The following GOLGA3 variants were observed in gnomAD, a reference collection of about 807,000 sequenced individuals.
GOLGA3 encodes the protein golgin A3.
A neutral mutation model predicts 169.4 loss-of-function variants in GOLGA3; 75 were observed. The observed-to-expected ratio is 0.44, with a 90% confidence interval of 0.37 to 0.54. The LOEUF is 0.54. Among genes scored for constraint, GOLGA3 ranks in the 20% least tolerant of loss-of-function variants. The probability of loss-of-function intolerance (pLI) is 0.00; values close to 1 mark genes in which losing one functional copy is unlikely to be tolerated. For missense variants in GOLGA3, 1,899 were observed against 1,930.0 expected (o/e 0.98, Z 0.30); for synonymous variants, 824 against 822.4 (o/e 1.00, Z -0.03).
rs546720632 is a variant in GOLGA3 at position 132,811,112 on chromosome 12, T to C, written c.519+2195A>G. Among the ~76,000 whole-genome samples the C allele has an allele frequency of 2.3e-3, 351 of 152,348 alleles. 1 individual carries two copies. The highest frequency in any genetic ancestry group is 3.9e-3 in the Non-Finnish European group (266 of 68,032). ...ATCATTGGAGATGACTCACACTCTT[T>C]ACCCTGCCCCTTTTGCTTTGTATCC... On this transcript the variant is annotated intron_variant, in intron 4 of 23. Transcript: ENST00000450791.
chr12:132,811,253 C>T (rs1310759620), intron 4 of GOLGA3, among the ~76,000 whole-genome samples: 1 of 152,132 alleles, frequency 6.6e-6, no homozygotes, highest in Non-Finnish European at 1.5e-5. Context: ...TTTATTTCTA[C>T]ACTCTCTCGT....
At position 132,795,929 on chromosome 12, in the gene GOLGA3, G is replaced by A. The variant is rs377086482; in HGVS notation, c.2392C>T (p.Arg798Cys). Residue 798 changes from arginine (R) to cysteine (C), a missense_variant, in exon 11 of 24, where the codon CGC becomes TGC. Arg to Cys is a radical substitution (Grantham distance 180, BLOSUM62 -3). Coordinates refer to ENST00000450791, the MANE Select transcript of GOLGA3 (RefSeq NM_001389683.1). Reference sequence around the variant, plus strand: ...GTTTCCTCGGTACCTTCTTCCAAGCGTCTTGCTCCTCTGTCAAGCTCCTCC... The same window carrying A: ...GTTTCCTCGGTACCTTCTTCCAAGCATCTTGCTCCTCTGTCAAGCTCCTCC... ...GKEELDRGAR[R>C]LEEGTEETSE... 2.9e-5 allele frequency: 46 copies of A among 1,613,882 alleles called. No individual in the cohort carries two copies. The highest frequency in any genetic ancestry group is 1.6e-4 in the Middle Eastern group (1 of 6,084).
In GOLGA3 at chr12:132,808,158, C is replaced by A; in HGVS notation, c.911G>T (p.Gly304Val). Reference sequence around the variant, plus strand: ...TCCATCCACCTCAGACACGCTGTCTCCAGCCAGGGAGGTGTTCTCCAGACG... The same window carrying A: ...TCCATCCACCTCAGACACGCTGTCTACAGCCAGGGAGGTGTTCTCCAGACG... ...DDRLENTSLA[G>V]DSVSEVDGND... Residue 304 changes from glycine to valine, a missense_variant, in exon 5 of 24, where the codon GGA becomes GTA. By Grantham distance (109) the Gly-to-Val change is moderately radical. Transcript: ENST00000450791. The A allele has an allele frequency of 6.2e-7, 1 of 1,612,518 alleles. No homozygotes were observed. Among genetic ancestry groups the A allele is most frequent in the East Asian group, 2.2e-5 (1 of 44,820 alleles).
chr12:132,807,760 G>GT, intron 5 of GOLGA3, 131 bp downstream of exon 5: 1 of 253,652 alleles, frequency 3.9e-6, no homozygotes. Context: ...GCCCGTCTCT[G>GT]CCCACCCCGC....
chr12:132,779,801 G>A (rs1175306654), intron 18 of GOLGA3, among the ~76,000 whole-genome samples: 2 of 91,996 alleles, frequency 2.2e-5, no homozygotes, highest in Non-Finnish European at 2.1e-5. Context: ...CACACCCCAG[G>A]CACACACGTG....
intron 8 of GOLGA3, 23 bp downstream of exon 8, chr12:132,801,744 T>C: frequency 6.2e-7 from 1 of 1,602,772 alleles, no homozygotes. Context: ...TGACCTGCCC[T>C]GGAAGGTAGA....
intron 4 of GOLGA3, among the ~76,000 whole-genome samples, 181 bp downstream of exon 4, chr12:132,813,126 G>A (rs952742276): frequency 1.3e-5 from 2 of 152,178 alleles, no homozygotes; most frequent in African/African-American, 4.8e-5. Context: ...TACCTCTGAG[G>A]TCACCCGTGT....
At position 132,812,220 on chromosome 12, in the gene GOLGA3, T is replaced by C. The variant is rs1425065394; in HGVS notation, c.519+1087A>G. On this transcript the variant is annotated intron_variant, in intron 4 of 23. Transcript: ENST00000450791. ...ACACACACACACACACACATATATA[T>C]ATATATATATTTTTTTTAACTGCTC... Among the ~76,000 whole-genome samples the C allele has an allele frequency of 6.7e-3, 559 of 83,648 alleles. 7 individuals are homozygous for C. The highest frequency in any genetic ancestry group is 0.012 in the South Asian group (31 of 2,650). The allele number at this position is 83,648 out of a possible 152,430, so 54.9% of individuals were successfully genotyped here.
At chr12:132,780,696 T>G (rs891844468) in intron 18 of GOLGA3, 102 bp downstream of exon 18, 2 of 763,580 alleles carry the variant, frequency 2.6e-6, no homozygotes, top group Non-Finnish European at 4.6e-6. Flanking sequence ...CTTTGCTCTG[T>G]GTAACTGCTG....
intron 18 of GOLGA3, among the ~76,000 whole-genome samples, 175 bp downstream of exon 18, chr12:132,780,623 C>T (rs529161487): frequency 5.3e-5 from 8 of 152,362 alleles, no homozygotes; most frequent in South Asian, 4.1e-4. Context: ...TTTAATCTAA[C>T]GCCACCTTCT....
At chr12:132,797,539 C>T (rs1414448009) in intron 9 of GOLGA3, among the ~76,000 whole-genome samples, 2 of 152,138 alleles carry the variant, frequency 1.3e-5, no homozygotes, top group Non-Finnish European at 1.5e-5. Context: ...GGCGAGACCC[C>T]GTCTCTACTA....
At position 132,807,895 on chromosome 12, in the gene GOLGA3, T is replaced by A; in HGVS notation, c.1174A>T (p.Ser392Cys). ...CACCTCTGCTGTCCCCACCACCTGC[T>A]GCAGATGCTGTCTCTCCGACTCCGC... ...EVRSRRDSIC[S>C]SVSLESSAAE... is the part of the protein sequence containing the mutation. The change falls in exon 5 of 24, where the codon AGC becomes TGC. Residue 392 changes from serine to cysteine, a missense_variant. Ser to Cys is a moderately radical substitution (Grantham distance 112, BLOSUM62 -1). Transcript: ENST00000450791. 1 of 1,373,026 alleles carries A rather than the reference T, an allele frequency of 7.3e-7. No individual in the cohort carries two copies. The highest frequency in any genetic ancestry group is 9.8e-7 in the Non-Finnish European group (1 of 1,017,202). The allele number at this position is 1,373,026 out of a possible 1,614,324, so 85.1% of individuals were successfully genotyped here. A position where few individuals can be genotyped will look rare whatever the true frequency, so the allele number is the denominator to read the frequency against.
intron 6 of GOLGA3, among the ~76,000 whole-genome samples, chr12:132,805,893 G>A (rs146873746): frequency 1.9e-4 from 29 of 152,232 alleles, no homozygotes; most frequent in Non-Finnish European, 3.5e-4. Context: ...GATTAAAAGC[G>A]GATTCAGATC....
At chr12:132,802,535 G>A (rs1200459088) in intron 7 of GOLGA3, among the ~76,000 whole-genome samples, 7 of 152,114 alleles carry the variant, frequency 4.6e-5, no homozygotes, top group Non-Finnish European at 7.4e-5. Flanking sequence ...TGAGGCGGGC[G>A]GATCCCATGA....
intron 13 of GOLGA3, among the ~76,000 whole-genome samples, chr12:132,788,309 A>G (rs1038670644): frequency 1.1e-4 from 17 of 152,180 alleles, no homozygotes; most frequent in African/African-American, 4.1e-4. Flanking sequence ...CAGAAACTTC[A>G]TAAGCAAAAC....
rs113259121 is a variant in GOLGA3, at chr12:132,787,185, C to G, written c.2812-398G>C. ...GTCAGGCTAGTCTTGAACTCCTGAC[C>G]TCGTGATCCACCTGCCTCGGCCTCC... On this transcript the variant is annotated intron_variant, in intron 13 of 23. Transcript: ENST00000450791. Among the ~76,000 whole-genome samples, 75 of 152,210 alleles carry G rather than the reference C, an allele frequency of 4.9e-4. 1 individual carries two copies. The highest frequency in any genetic ancestry group is 1.8e-3 in the African/African-American group (75 of 41,514).
At position 132,810,295 on chromosome 12, in the gene GOLGA3, T is replaced by C. The variant is rs145951801; in HGVS notation, c.520-1746A>G. On this transcript the variant is annotated intron_variant, in intron 4 of 23. Coordinates refer to ENST00000450791, the MANE Select transcript of GOLGA3 (RefSeq NM_001389683.1). ...AAAAAGGAAGAACATTCTGTTGAACTATAACCACCTTAAATCCATAATTTC... is the reference window on the plus strand; with the variant it reads ...AAAAAGGAAGAACATTCTGTTGAACCATAACCACCTTAAATCCATAATTTC... Among the ~76,000 whole-genome samples the C allele has an allele frequency of 7.9e-5, 12 of 152,172 alleles. No individual in the cohort carries two copies. In the East Asian group the frequency reaches 1.9e-3, roughly 25 times the overall value.
chr12:132,827,179 G>C (rs1343437341), intron 1 of GOLGA3, among the ~76,000 whole-genome samples: 1 of 152,212 alleles, frequency 6.6e-6, no homozygotes, highest in African/African-American at 2.4e-5. Context: ...TTCCTATCGG[G>C]TATTAGAAAC....
intron 12 of GOLGA3, among the ~76,000 whole-genome samples, chr12:132,790,865 C>T (rs1216006008): frequency 5.3e-5 from 8 of 151,716 alleles, no homozygotes; most frequent in African/African-American, 9.7e-5. Flanking sequence ...CTGGCTAACA[C>T]GGAGAAACCC....
Sources: allele counts gnomAD v4.1 joint callset (sites outside exome capture counted in the v4.1 genomes callset), GRCh38; gene constraint gnomAD v4.1.1; transcripts MANE v1.5; gene names NCBI Gene and HGNC (gene_info 2026-07-23, HGNC 2026-07-21).